The following CALN1 variants were observed in gnomAD, a reference collection of about 807,000 sequenced individuals.
The protein encoded by CALN1 is calneuron 1.
Under a neutral mutation model 30.6 loss-of-function variants are expected in CALN1, and 17 were observed. The ratio of observed to expected loss-of-function variants is 0.56; its 90% CI spans 0.38 to 0.83. CALN1 has a LOEUF of 0.83. CALN1 is among the 40% of genes least tolerant of loss of function. The pLI is 0.00. For missense variants in CALN1, 291 were observed against 354.9 expected (o/e 0.82, Z 1.45); for synonymous variants, 156 against 131.4 (o/e 1.19, Z -1.28).
chr7:72,169,736 C>T (rs2129545372), intron 3 of CALN1, among the ~76,000 whole-genome samples: 1 of 152,182 alleles, frequency 6.6e-6, no homozygotes, highest in South Asian at 2.1e-4. Flanking sequence ...GTCACCCAGG[C>T]TGGAGTACAA....
intron 5 of CALN1, among the ~76,000 whole-genome samples, chr7:72,018,624 C>A (rs917036981): frequency 6.6e-6 from 1 of 152,136 alleles, no homozygotes; most frequent in African/African-American, 2.4e-5. Flanking sequence ...GACTCTCAGA[C>A]CATCCTCCCC....
At chr7:71,938,185 A>G (rs1795944967) in intron 5 of CALN1, among the ~76,000 whole-genome samples, 1 of 152,210 alleles carries the variant, frequency 6.6e-6, no homozygotes, top group African/African-American at 2.4e-5. Context: ...TTCCATAGCC[A>G]TCATTTCCAG....
At chr7:72,501,251 G>A in the CALN1 span, among the ~76,000 whole-genome samples, 16 of 151,422 alleles carry the variant, frequency 1.1e-4, no homozygotes, top group Non-Finnish European at 1.9e-4. Context: ...CCACAGAGGA[G>A]TCCAGGTGTG....
intron 2 of CALN1, among the ~76,000 whole-genome samples, chr7:72,330,794 T>C (rs1801621721): frequency 1.3e-5 from 2 of 152,318 alleles, no homozygotes; most frequent in South Asian, 2.1e-4. Flanking sequence ...TAAAATAGAT[T>C]GTCACCCTCT....
intron 5 of CALN1, among the ~76,000 whole-genome samples, chr7:71,845,486 G>A (rs111339916): frequency 1.3e-5 from 2 of 152,140 alleles, no homozygotes; most frequent in Non-Finnish European, 2.9e-5. Context: ...TTTGTTCACG[G>A]CCCAAGCCCT....
chr7:71,849,435 T>TA (rs993830201), intron 5 of CALN1, among the ~76,000 whole-genome samples: 1 of 85,098 alleles, frequency 1.2e-5, no homozygotes, highest in Non-Finnish European at 2.3e-5. Context: ...TGGATCTTCC[T>TA]ATTTTTTTTT....
At chr7:71,901,560 A>G (rs1793851390) in intron 5 of CALN1, among the ~76,000 whole-genome samples, 2 of 152,216 alleles carry the variant, frequency 1.3e-5, no homozygotes, top group Admixed American at 1.3e-4. Flanking sequence ...TGGTACTAGT[A>G]TAAAAATAGA....
chr7:72,207,195 T>C (rs1259804452), intron 3 of CALN1, among the ~76,000 whole-genome samples: 1 of 152,134 alleles, frequency 6.6e-6, no homozygotes, highest in East Asian at 1.9e-4. Flanking sequence ...TCCCACTCTC[T>C]CCCCGATTCA....
At chr7:72,047,556 C>A (rs999615608) in intron 4 of CALN1, among the ~76,000 whole-genome samples, 1 of 151,982 alleles carries the variant, frequency 6.6e-6, no homozygotes, top group Non-Finnish European at 1.5e-5. Flanking sequence ...ACCACTGCAC[C>A]GCAGTCAGAG....
At chr7:72,410,929 T>C (rs1481096348) in intron 1 of CALN1, among the ~76,000 whole-genome samples, 2 of 151,942 alleles carry the variant, frequency 1.3e-5, no homozygotes, top group African/African-American at 4.8e-5. Flanking sequence ...ATTAGACAAT[T>C]AGAGGCATAA....
Position 72,432,259 on chromosome 7 carries a change from C to T in CALN1, c.-226+14783G>A, listed in dbSNP as rs866895458. ...CTTGCCTGCCACCATGTAAGACGTG[C>T]CTTTTTTCCTCCTTCGTCTTCTGCC... On this transcript the variant is annotated intron_variant, in intron 1 of 6. Transcript: ENST00000395276. 5.3e-5 allele frequency among the ~76,000 whole-genome samples: 8 copies of T among 152,284 alleles called. No individual in the cohort carries two copies. The South Asian group carries it at 1.7e-3, about 32-fold the overall frequency.
rs374290186 is a variant in CALN1, at chr7:72,049,241, A to T, written c.389-25472T>A. On this transcript the variant is annotated intron_variant, in intron 4 of 6. Coordinates refer to ENST00000395275, the MANE Select transcript of CALN1 (RefSeq NM_031468.4). ...CCAACCTAGTCTAGACAGGGAAAATAAAAAAGAGGTAAAATGATGAGAGAA... is the reference window on the plus strand; with the variant it reads ...CCAACCTAGTCTAGACAGGGAAAATTAAAAAGAGGTAAAATGATGAGAGAA... Among the ~76,000 whole-genome samples the T allele has an allele frequency of 1.9e-3, 289 of 152,348 alleles. 1 individual carries two copies. The highest frequency in any genetic ancestry group is 6.3e-3 in the African/African-American group (263 of 41,588).
chr7:72,152,049 C>T (rs917620034), intron 3 of CALN1, among the ~76,000 whole-genome samples: 2 of 151,748 alleles, frequency 1.3e-5, no homozygotes, highest in Admixed American at 1.3e-4. Flanking sequence ...GCTTGGATTA[C>T]AGGCACCCAC....
chr7:72,411,678 A>C (rs1331013483), intron 1 of CALN1, among the ~76,000 whole-genome samples: 2 of 152,238 alleles, frequency 1.3e-5, no homozygotes, highest in South Asian at 2.1e-4. Context: ...ATAAGTTCTC[A>C]ATGATGCCAA....
intron 5 of CALN1, among the ~76,000 whole-genome samples, chr7:71,865,922 T>G (rs565947995): frequency 6.6e-6 from 1 of 152,316 alleles, no homozygotes; most frequent in Admixed American, 6.5e-5. Context: ...ATTACCAATT[T>G]TAGAAAGAGT....
At chr7:72,324,974 T>C (rs938631359) in intron 2 of CALN1, among the ~76,000 whole-genome samples, 1 of 152,142 alleles carries the variant, frequency 6.6e-6, no homozygotes, top group African/African-American at 2.4e-5. Flanking sequence ...ATTTATCTCT[T>C]TGGGTGTCGA....
chr7:71,952,936 A>G (rs1017609777), intron 5 of CALN1, among the ~76,000 whole-genome samples: 1 of 152,112 alleles, frequency 6.6e-6, no homozygotes, highest in African/African-American at 2.4e-5. Context: ...TGCCTTTTGC[A>G]TGGCTTTCGT....
At chr7:72,274,595 T>C (rs1287190279) in intron 3 of CALN1, among the ~76,000 whole-genome samples, 1 of 152,048 alleles carries the variant, frequency 6.6e-6, no homozygotes, top group Non-Finnish European at 1.5e-5. Context: ...ATATATCTAA[T>C]AGAATTCCAT....
At chr7:72,084,924 C>T (rs915771837) in intron 4 of CALN1, among the ~76,000 whole-genome samples, 1 of 152,162 alleles carries the variant, frequency 6.6e-6, no homozygotes, top group Non-Finnish European at 1.5e-5. Flanking sequence ...GTGATAAAAT[C>T]TCATGCCATC....
Sources: gnomAD v4.1 joint callset for allele counts (sites outside exome capture counted in the v4.1 genomes callset) on GRCh38, gnomAD v4.1.1 for gene constraint, MANE v1.5 for transcripts, NCBI Gene and HGNC (gene_info 2026-07-23, HGNC 2026-07-21) for gene names.